The following HOXD12 variants were observed in gnomAD, a reference collection of about 807,000 sequenced individuals.
The protein encoded by HOXD12 is homeobox protein Hox-D12.
HOXD12 carries 21 observed loss-of-function variants against 20.2 expected under a neutral mutation model. The ratio of observed to expected loss-of-function variants is 1.04; its 90% CI spans 0.74 to 1.50. HOXD12 has a LOEUF of 1.50. Ranked by LOEUF, HOXD12 falls within the 40% of genes most tolerant of loss-of-function variation. HOXD12 has a pLI of 0.00. For missense variants in HOXD12, 472 were observed against 365.5 expected, an observed-to-expected ratio of 1.29 and a Z score of -2.38; for synonymous variants, 196 against 168.8, an observed-to-expected ratio of 1.16 and a Z score of -1.25.
rs749355217 is a variant in HOXD12 at position 176,100,109 on chromosome 2, C to A, written c.308C>A (p.Pro103His). 1.2e-6 allele frequency: 2 copies of A among 1,608,446 alleles called. No homozygotes were observed. The highest frequency in any genetic ancestry group is 2.7e-5 in the African/African-American group (2 of 74,878). ...GPEEQAKFYA[P>H]EAAAGPEERG... is the part of the protein sequence containing the mutation. ...GAAGAGCAGGCTAAGTTCTATGCGC[C>A]CGAAGCGGCCGCTGGGCCAGAGGAG... Residue 103 changes from proline to histidine, a missense_variant, in exon 1 of 2, where the codon CCC becomes CAC. By Grantham distance (77) the Pro-to-His change is moderately conservative. Coordinates refer to ENST00000406506, the MANE Select transcript of HOXD12 (RefSeq NM_021193.4).
In HOXD12 at chr2:176,099,894, G is replaced by T. The variant is rs1452995808; in HGVS notation, c.93G>T (p.Pro31=). ...PDSFYFSNLR[P]NGGQLAALPP... ...CTTTCTACTTCTCCAACCTGAGGCC[G>T]AATGGCGGCCAGTTGGCCGCGCTTC... Residue 31 remains proline (P), a synonymous_variant, in exon 1 of 2, where the codon CCG becomes CCT. Coordinates refer to ENST00000406506, the MANE Select transcript of HOXD12 (RefSeq NM_021193.4). 1.3e-6 allele frequency: 2 copies of T among 1,594,234 alleles called. No individual in the cohort carries two copies. The highest frequency in any genetic ancestry group is 1.1e-5 in the South Asian group (1 of 88,710).
At position 176,100,668 on chromosome 2, in the gene HOXD12, C is replaced by CTCAGCGA; in HGVS notation, c.722_728dup (p.Gln245ArgfsTer93). ...CAAGGAATTGTCCAATAGGCTGAAC[C>CTCAGCGA]TCAGCGACCAGCAAGTCAAAATCTG... On this transcript the variant is annotated frameshift_variant, in exon 2 of 2. Transcript: ENST00000406506. LOFTEE classifies it high-confidence loss of function. 1 of 1,613,988 alleles carries CTCAGCGA rather than the reference C, an allele frequency of 6.2e-7. No homozygotes were observed. The highest frequency in any genetic ancestry group is 8.5e-7 in the Non-Finnish European group (1 of 1,179,858).
rs375228248 is a variant in HOXD12 at position 176,101,926 on chromosome 2, C to A, written c.*1166C>A. Among the ~76,000 whole-genome samples, 3 of 152,234 alleles carry A rather than the reference C, an allele frequency of 2.0e-5. No homozygotes were observed. Among genetic ancestry groups the A allele is most frequent in the Admixed American group, 6.5e-5 (1 of 15,290 alleles). ...CAAAGAGGACCAGAAGTTCCTCTCA[C>A]CGTCTCTACCATCTGCCAACTCTAC... On this transcript the variant is annotated 3_prime_UTR_variant, in exon 2 of 2. Transcript: ENST00000406506.
chr2:176,100,361 C>T lies in HOXD12; in HGVS notation c.560C>T (p.Pro187Leu). The change falls in exon 1 of 2, where the codon CCT (proline) becomes CTT (leucine). Residue 187 changes from proline (P) to leucine (L), a missense_variant. Transcript: ENST00000406506. ...GCGGGCGTTGCCTCTTGCCTGCGAC[C>T]TTCACTGCCCGACGGTAAACGGTGC... Reference protein sequence around the residue: ...QAAGVASCLRPSLPDGLPWGA... With the variant: ...QAAGVASCLRLSLPDGLPWGA... 6.2e-7 allele frequency: 1 copy of T among 1,612,492 alleles called. No individual in the cohort carries two copies. The highest frequency in any genetic ancestry group is 8.5e-7 in the Non-Finnish European group (1 of 1,179,756).
At position 176,099,860 on chromosome 2, in the gene HOXD12, C is replaced by G; in HGVS notation, c.59C>G (p.Ser20Trp). ...GTGGGCTCGCTTCTGAATCTGCAGTCGCCAGACTCTTTCTACTTCTCCAAC... is the reference window on the plus strand; with the variant it reads ...GTGGGCTCGCTTCTGAATCTGCAGTGGCCAGACTCTTTCTACTTCTCCAAC... ...GYVGSLLNLQ[S>W]PDSFYFSNLR... The change falls in exon 1 of 2, where the codon TCG (serine) becomes TGG (tryptophan). Residue 20 changes from serine to tryptophan, a missense_variant. By Grantham distance (177) the Ser-to-Trp change is radical (BLOSUM62 -3). Transcript: ENST00000406506. The G allele has an allele frequency of 6.3e-7, 1 of 1,580,694 alleles. No homozygotes were observed. Among genetic ancestry groups the G allele is most frequent in the Non-Finnish European group, 8.6e-7 (1 of 1,167,204 alleles).
At position 176,099,914 on chromosome 2, in the gene HOXD12, C is replaced by T. The variant is rs777546094; in HGVS notation, c.113C>T (p.Ala38Val). The change falls in exon 1 of 2, where the codon GCG becomes GTG. Residue 38 changes from alanine (A) to valine (V), a missense_variant. Coordinates refer to ENST00000406506, the MANE Select transcript of HOXD12 (RefSeq NM_021193.4). ...AGGCCGAATGGCGGCCAGTTGGCCG[C>T]GCTTCCCCCTATCTCCTACCCGCGC... ...NLRPNGGQLA[A>V]LPPISYPRGA... is the part of the protein sequence containing the mutation. 3 of 1,594,502 alleles carry T rather than the reference C, an allele frequency of 1.9e-6. No individual in the cohort carries two copies. The South Asian group carries it at 3.4e-5, about 18-fold the overall frequency.
rs753788374 is a variant in HOXD12, at chr2:176,100,745, G to A, written c.798G>A (p.Ala266=). The A allele has an allele frequency of 3.1e-6, 5 of 1,613,132 alleles. No homozygotes were observed. The highest frequency in any genetic ancestry group is 4.2e-6 in the Non-Finnish European group (5 of 1,179,364). ...AGCGCGTGGTGCTTCGGGAGCAGGC[G>A]CTGGCGCTCTACTAGCCGCGCGCGT... is the stretch of plus-strand genomic sequence containing the variant. ...KKKRVVLREQ[A]LALY Residue 266 remains alanine, a synonymous_variant, in exon 2 of 2, where the codon GCG becomes GCA. Transcript: ENST00000406506.
Position 176,099,831 on chromosome 2 carries a change from C to T in HOXD12, c.30C>T (p.Gly10=). Residue 10 remains glycine (G), a synonymous_variant, in exon 1 of 2, where the codon GGC becomes GGT. Transcript: ENST00000406506. The part of the protein sequence containing the change: MCERSLYRA[G]YVGSLLNLQS... ...GTGAGCGCAGTCTCTACAGAGCGGG[C>T]TATGTGGGCTCGCTTCTGAATCTGC... is the stretch of plus-strand genomic sequence containing the variant. 4 of 1,544,226 alleles carry T rather than the reference C, an allele frequency of 2.6e-6. 1 individual carries two copies. The South Asian group carries it at 3.8e-5, about 15-fold the overall frequency.
chr2:176,100,641 C>G lies in HOXD12; in HGVS notation c.694C>G (p.Arg232Gly). ...CAACGAATTCATCAACAGGCAGAAA[C>G]GCAAGGAATTGTCCAATAGGCTGAA... ...LVNEFINRQKRKELSNRLNLS... is the reference protein window; with the variant it reads ...LVNEFINRQKGKELSNRLNLS... Residue 232 changes from arginine (R) to glycine (G), a missense_variant, in exon 2 of 2, where the codon CGC becomes GGC. Arg to Gly is a moderately radical substitution (Grantham distance 125). Transcript: ENST00000406506. 3 of 1,613,708 alleles carry G rather than the reference C, an allele frequency of 1.9e-6. No homozygotes were observed. The highest frequency in any genetic ancestry group is 1.1e-5 in the South Asian group (1 of 91,020).
In HOXD12 at chr2:176,100,873, G is replaced by T; in HGVS notation, c.*113G>T. On this transcript the variant is annotated 3_prime_UTR_variant, in exon 2 of 2. Transcript: ENST00000406506. ...TTTTCCTTCGGTTCCTTCTCTGCTG[G>T]CCCCAGAAGCCACCAAGAGATTTAC... The T allele has an allele frequency of 1.4e-6, 1 of 713,088 alleles. No individual in the cohort carries two copies. Among genetic ancestry groups the T allele is most frequent in the Non-Finnish European group, 2.4e-6 (1 of 420,236 alleles). 44.2% of individuals were successfully genotyped at this position (713,088 alleles called of 1,614,324 possible).
rs545532882 is a variant in HOXD12, at chr2:176,100,653, T to A, written c.706T>A (p.Ser236Thr). 87 of 1,613,912 alleles carry A rather than the reference T, an allele frequency of 5.4e-5. No individual in the cohort carries two copies. The South Asian group carries it at 8.8e-4, about 16-fold the overall frequency. Residue 236 changes from serine to threonine, a missense_variant, in exon 2 of 2, where the codon TCC (serine) becomes ACC (threonine). By Grantham distance (58) the Ser-to-Thr change is moderately conservative (BLOSUM62 1). Coordinates refer to ENST00000406506, the MANE Select transcript of HOXD12 (RefSeq NM_021193.4). ...CAACAGGCAGAAACGCAAGGAATTG[T>A]CCAATAGGCTGAACCTCAGCGACCA... is the stretch of plus-strand genomic sequence containing the variant. ...FINRQKRKELSNRLNLSDQQV... is the reference protein window; with the variant it reads ...FINRQKRKELTNRLNLSDQQV...
rs1284965759 is a variant in HOXD12, at chr2:176,102,133, G to A, written c.*1373G>A. Among the ~76,000 whole-genome samples the A allele has an allele frequency of 1.3e-5, 2 of 149,340 alleles. No individual in the cohort carries two copies. Among genetic ancestry groups the A allele is most frequent in the South Asian group, 2.1e-4 (1 of 4,756 alleles). On this transcript the variant is annotated 3_prime_UTR_variant, in exon 2 of 2. Transcript: ENST00000406506. ...CTCAGTGAACCAAGCCTCCCCCTGC[G>A]AGCTCATTCCACTATCCCTGCCTCT...
chr2:176,102,224 C>G lies in HOXD12; in HGVS notation c.*1464C>G, dbSNP rs1402424351. On this transcript the variant is annotated 3_prime_UTR_variant, in exon 2 of 2. Transcript: ENST00000406506. ...ATTCCTAGCATGATGCACAACAACT[C>G]AAGGATTCAGGATTCCTTCCCAAAG... 1.3e-5 allele frequency among the ~76,000 whole-genome samples: 2 copies of G among 152,236 alleles called. No homozygotes were observed. Among genetic ancestry groups the G allele is most frequent in the Non-Finnish European group, 2.9e-5 (2 of 68,044 alleles).
Position 176,100,580 on chromosome 2 carries a change from G to T in HOXD12, c.633G>T (p.Lys211Asn). 6.2e-7 allele frequency: 1 copy of T among 1,612,608 alleles called. No homozygotes were observed. Among genetic ancestry groups the T allele is most frequent in the Non-Finnish European group, 8.5e-7 (1 of 1,179,312 alleles). ...RARKKRKPYT[K>N]QQIAELENEF... Reference sequence around the variant, plus strand: ...GCAAGAAGCGGAAACCCTACACGAAGCAGCAGATTGCGGAGTTGGAGAACG... The same window carrying T: ...GCAAGAAGCGGAAACCCTACACGAATCAGCAGATTGCGGAGTTGGAGAACG... Residue 211 changes from lysine (K) to asparagine (N), a missense_variant, in exon 2 of 2, where the codon AAG becomes AAT. Coordinates refer to ENST00000406506, the MANE Select transcript of HOXD12 (RefSeq NM_021193.4).
At position 176,100,596 on chromosome 2, in the gene HOXD12, T is replaced by C. The variant is rs374634672; in HGVS notation, c.649T>C (p.Leu217=). 16 of 1,612,780 alleles carry C rather than the reference T, an allele frequency of 9.9e-6. No individual in the cohort carries two copies. In the Admixed American group the frequency reaches 1.0e-4, roughly 10 times the overall value. The change falls in exon 2 of 2, where the codon TTG becomes CTG. Residue 217 remains leucine, a synonymous_variant. Coordinates refer to ENST00000406506, the MANE Select transcript of HOXD12 (RefSeq NM_021193.4). ...KPYTKQQIAE[L]ENEFLVNEFI... ...CTACACGAAGCAGCAGATTGCGGAGTTGGAGAACGAATTCCTCGTCAACGA... is the reference window on the plus strand; with the variant it reads ...CTACACGAAGCAGCAGATTGCGGAGCTGGAGAACGAATTCCTCGTCAACGA...
Position 176,099,942 on chromosome 2 carries a change from C to A in HOXD12, c.141C>A (p.Gly47=), listed in dbSNP as rs763449406. 141 of 1,591,162 alleles carry A rather than the reference C, an allele frequency of 8.9e-5. No homozygotes were observed. Among genetic ancestry groups the A allele is most frequent in the Non-Finnish European group, 1.1e-4 (134 of 1,171,914 alleles). Residue 47 remains glycine, a synonymous_variant, in exon 1 of 2, where the codon GGC becomes GGA. Transcript: ENST00000406506. The part of the protein sequence containing the change: ...AALPPISYPR[G]ALPWAATPAS... ...TTCCCCCTATCTCCTACCCGCGCGG[C>A]GCGCTGCCCTGGGCCGCCACGCCCG...
Position 176,100,519 on chromosome 2 carries a change from C to T in HOXD12, c.575-3C>T, listed in dbSNP as rs1172933069. 8.8e-6 allele frequency: 14 copies of T among 1,598,746 alleles called. No homozygotes were observed. Among genetic ancestry groups the T allele is most frequent in the Non-Finnish European group, 1.0e-5 (12 of 1,172,218 alleles). On this transcript the variant is annotated splice_polypyrimidine_tract_variant and splice_region_variant and intron_variant, in intron 1 of 1. Coordinates refer to ENST00000406506, the MANE Select transcript of HOXD12 (RefSeq NM_021193.4). ...GTTGACGTGGGTTGGGGCTGTGTTG[C>T]AGGCCTGCCGTGGGGGGCGGCCCCG...
At position 176,100,723 on chromosome 2, in the gene HOXD12, G is replaced by T. The variant is rs974293161; in HGVS notation, c.776G>T (p.Arg259Leu). The T allele has an allele frequency of 6.8e-6, 11 of 1,613,912 alleles. No individual in the cohort carries two copies. The highest frequency in any genetic ancestry group is 1.7e-5 in the Admixed American group (1 of 60,028). ...CAGAACAGGCGTATGAAGAAGAAGC[G>T]CGTGGTGCTTCGGGAGCAGGCGCTG... ...WFQNRRMKKK[R>L]VVLREQALAL... is the part of the protein sequence containing the mutation. The change falls in exon 2 of 2, where the codon CGC (arginine) becomes CTC (leucine). Residue 259 changes from arginine to leucine, a missense_variant. Arg to Leu is a moderately radical substitution (Grantham distance 102). Coordinates refer to ENST00000406506, the MANE Select transcript of HOXD12 (RefSeq NM_021193.4).
chr2:176,100,138 G>T lies in HOXD12; in HGVS notation c.337G>T (p.Gly113Cys). 1 of 1,611,008 alleles carries T rather than the reference G, an allele frequency of 6.2e-7. No individual in the cohort carries two copies. Among genetic ancestry groups the T allele is most frequent in the Non-Finnish European group, 8.5e-7 (1 of 1,179,606 alleles). Residue 113 changes from glycine to cysteine, a missense_variant, in exon 1 of 2, where the codon GGT (glycine) becomes TGT (cysteine). By Grantham distance (159) the Gly-to-Cys change is radical (BLOSUM62 -3). Transcript: ENST00000406506. ...AGCGGCCGCTGGGCCAGAGGAGCGC[G>T]GTCGTACCCGGCCGTCCTTCGCCCC... ...PEAAAGPEERGRTRPSFAPES... is the reference protein window; with the variant it reads ...PEAAAGPEERCRTRPSFAPES...
Sources: allele counts gnomAD v4.1 joint callset (sites outside exome capture counted in the v4.1 genomes callset), GRCh38; gene constraint gnomAD v4.1.1; transcripts MANE v1.5; gene names NCBI Gene and HGNC (gene_info 2026-07-23, HGNC 2026-07-21).